MARCHF1: variants seen among roughly 807,000 people sequenced by gnomAD.
MARCHF1 encodes the protein membrane associated ring-CH-type finger 1.
In MARCHF1, 40 loss-of-function variants were observed where a neutral mutation model predicts 54.2. The ratio of observed to expected loss-of-function variants is 0.74; its 90% CI spans 0.57 to 0.96. The LOEUF (loss-of-function observed/expected upper bound fraction) is 0.96, where lower values mean the gene tolerates loss of function less well. MARCHF1 is among the 40% of genes least tolerant of loss of function. The pLI, the probability that MARCHF1 is intolerant of heterozygous loss-of-function variation, is 0.00. For missense variants in MARCHF1, 586 were observed against 656.5 expected, an observed-to-expected ratio of 0.89 and a Z score of 1.17; for synonymous variants, 236 against 236.3, an observed-to-expected ratio of 1.00 and a Z score of 0.01.
intron 1 of MARCHF1, among the ~76,000 whole-genome samples, chr4:164,323,437 A>G (rs1209505853): frequency 6.6e-6 from 1 of 151,534 alleles, no homozygotes; most frequent in East Asian, 1.9e-4. Context: ...TCCTCATAAG[A>G]AAACAGAAAT....
chr4:164,347,677 T>C (rs1444940283), intron 1 of MARCHF1, among the ~76,000 whole-genome samples: 2 of 152,180 alleles, frequency 1.3e-5, no homozygotes, highest in Non-Finnish European at 2.9e-5. Context: ...TTACAACTCT[T>C]AATAGCTTTT....
intron 1 of MARCHF1, among the ~76,000 whole-genome samples, chr4:164,282,199 C>T (rs11725187): frequency 0.52 from 78,252 of 150,342 alleles, 24,492 homozygotes; most frequent in Non-Finnish European, 0.69. Flanking sequence ...ACTTCTGTAT[C>T]ATTTGACTCC....
At chr4:163,858,426 G>A (rs1749829616) in intron 3 of MARCHF1, among the ~76,000 whole-genome samples, 1 of 152,048 alleles carries the variant, frequency 6.6e-6, no homozygotes, top group South Asian at 2.1e-4. Context: ...TTATGATTAA[G>A]CTGAATGCTC....
chr4:164,340,578 C>T (rs1300016144), intron 1 of MARCHF1, among the ~76,000 whole-genome samples: 1 of 151,072 alleles, frequency 6.6e-6, no homozygotes, highest in Non-Finnish European at 1.5e-5. Flanking sequence ...CGCCCCACAC[C>T]ATGCCTGCCT....
intron 2 of MARCHF1, among the ~76,000 whole-genome samples, chr4:164,109,374 A>G (rs895555105): frequency 4.6e-5 from 7 of 150,724 alleles, no homozygotes; most frequent in African/African-American, 7.3e-5. Flanking sequence ...ACAGCTTGAA[A>G]ATCTACACTA....
chr4:164,190,665 A>C (rs1731100803), intron 1 of MARCHF1, among the ~76,000 whole-genome samples: 1 of 152,182 alleles, frequency 6.6e-6, no homozygotes, highest in Non-Finnish European at 1.5e-5. Flanking sequence ...ATGCCAATAA[A>C]TGTTAGTTAT....
chr4:164,279,184 T>C (rs960443990), intron 1 of MARCHF1, among the ~76,000 whole-genome samples: 1 of 150,844 alleles, frequency 6.6e-6, no homozygotes, highest in Non-Finnish European at 1.5e-5. Flanking sequence ...CAAAAATTCA[T>C]ACAAGATTTA....
chr4:163,969,356 G>A (rs1300837693), intron 3 of MARCHF1, among the ~76,000 whole-genome samples: 1 of 152,128 alleles, frequency 6.6e-6, no homozygotes, highest in East Asian at 1.9e-4. Context: ...GCAAATTTTT[G>A]CTGGAATGAG....
chr4:163,697,254 A>G (rs1228880158), intron 5 of MARCHF1, among the ~76,000 whole-genome samples: 8 of 152,194 alleles, frequency 5.3e-5, no homozygotes, highest in Non-Finnish European at 1.0e-4. Flanking sequence ...CAAGGAAGGC[A>G]TGTGCTTAGG....
At chr4:164,208,492 T>C (rs1022495185) in intron 1 of MARCHF1, among the ~76,000 whole-genome samples, 1 of 152,194 alleles carries the variant, frequency 6.6e-6, no homozygotes, top group African/African-American at 2.4e-5. Flanking sequence ...TCTTCCCAGA[T>C]GTTATCTGAA....
At chr4:164,327,976 G>A (rs1735326342) in intron 1 of MARCHF1, among the ~76,000 whole-genome samples, 1 of 152,176 alleles carries the variant, frequency 6.6e-6, no homozygotes, top group Non-Finnish European at 1.5e-5. Context: ...CTTCGCACCT[G>A]AGTCCCAGGA....
intron 4 of MARCHF1, among the ~76,000 whole-genome samples, chr4:163,832,604 A>ATT (rs1491521260): frequency 5.0e-3 from 322 of 64,024 alleles, no homozygotes; most frequent in African/African-American, 0.012. Context: ...TTATTATTAT[A>ATT]ATACTTTAAG....
intron 4 of MARCHF1, among the ~76,000 whole-genome samples, chr4:163,834,137 G>T (rs1749110241): frequency 6.6e-6 from 1 of 152,160 alleles, no homozygotes; most frequent in African/African-American, 2.4e-5. Flanking sequence ...ACAAAAAATT[G>T]TACTTGTAAA....
intron 1 of MARCHF1, among the ~76,000 whole-genome samples, chr4:164,156,901 C>T (rs1004008191): frequency 3.5e-5 from 5 of 142,078 alleles, no homozygotes; most frequent in Admixed American, 7.1e-5. Context: ...CAAAGCATCT[C>T]ACCCCATACT....
At chr4:163,551,945 A>C (rs568661398) in intron 8 of MARCHF1, among the ~76,000 whole-genome samples, 50 of 152,292 alleles carry the variant, frequency 3.3e-4, no homozygotes, top group African/African-American at 1.2e-3. Context: ...CTTTATGAGC[A>C]GTGCAAAAAG....
At chr4:164,022,708 T>C (rs1319634916) in intron 2 of MARCHF1, among the ~76,000 whole-genome samples, 4 of 152,238 alleles carry the variant, frequency 2.6e-5, no homozygotes, top group African/African-American at 4.8e-5. Context: ...TAGCTTCCAA[T>C]GCCCCAAGGT....
chr4:163,885,122 C>T (rs1750498393), intron 3 of MARCHF1, among the ~76,000 whole-genome samples: 1 of 152,036 alleles, frequency 6.6e-6, no homozygotes, highest in Non-Finnish European at 1.5e-5. Flanking sequence ...GAAAACTAAG[C>T]TTAACTAAAC....
chr4:164,350,502 T>G (rs1730254361), intron 1 of MARCHF1, among the ~76,000 whole-genome samples: 1 of 152,168 alleles, frequency 6.6e-6, no homozygotes, highest in African/African-American at 2.4e-5. Context: ...AGAGAGGATT[T>G]TGAATCTTCC....
At chr4:164,303,305 C>T (rs1279381402) in intron 1 of MARCHF1, among the ~76,000 whole-genome samples, 1 of 152,080 alleles carries the variant, frequency 6.6e-6, no homozygotes, top group Non-Finnish European at 1.5e-5. Context: ...GCAATAAAGG[C>T]AAGAAAATTG....
Sources: allele counts gnomAD v4.1 joint callset (sites outside exome capture counted in the v4.1 genomes callset), GRCh38; gene constraint gnomAD v4.1.1; transcripts MANE v1.5; gene names NCBI Gene and HGNC (gene_info 2026-07-23, HGNC 2026-07-21).